INTS8: variants seen among roughly 807,000 people sequenced by gnomAD.
The protein encoded by INTS8 is integrator complex subunit 8.
Under a neutral mutation model 138.9 loss-of-function variants are expected in INTS8, and 47 were observed. That is an observed-to-expected ratio of 0.34 (90% CI 0.27 to 0.43). The LOEUF (loss-of-function observed/expected upper bound fraction) is 0.43, where lower values mean the gene tolerates loss of function less well. Ranked by LOEUF, INTS8 falls within the 20% of genes least tolerant of loss-of-function variation. The probability of loss-of-function intolerance (pLI) is 1.00; values close to 1 mark genes in which losing one functional copy is unlikely to be tolerated. For synonymous variants in INTS8, 392 were observed against 400.9 expected, an observed-to-expected ratio of 0.98 and a Z score of 0.27; for missense variants, 996 against 1,173.0, an observed-to-expected ratio of 0.85 and a Z score of 2.20.
At chr8:94,825,762 A>G (rs1814475637) in intron 2 of INTS8, among the ~76,000 whole-genome samples, 2 of 152,110 alleles carry the variant, frequency 1.3e-5, no homozygotes, top group Non-Finnish European at 2.9e-5. Context: ...CCTTCTCATC[A>G]CAATTTAAAA....
intron 2 of INTS8, among the ~76,000 whole-genome samples, chr8:94,825,753 C>T (rs1326161224): frequency 6.6e-6 from 1 of 152,068 alleles, no homozygotes; most frequent in African/African-American, 2.4e-5. Context: ...TTATCATCCC[C>T]TTCTCATCAC....
At position 94,849,528 on chromosome 8, in the gene INTS8, C is replaced by T. The variant is rs2131029318; in HGVS notation, c.1327C>T (p.Leu443=). The T allele has an allele frequency of 1.3e-6, 2 of 1,535,582 alleles. No individual in the cohort carries two copies. The highest frequency in any genetic ancestry group is 1.8e-6 in the Non-Finnish European group (2 of 1,125,334). The change falls in exon 11 of 27, where the codon CTA becomes TTA. Residue 443 remains leucine (L), a synonymous_variant. Transcript: ENST00000523731. ...TTTGAAAGGAAACATGGCTGCTTTT[C>T]TAAAGTAAGTACCTTTCTTTTCTTT... is the stretch of plus-strand genomic sequence containing the variant. ...ESLKGNMAAF[L]KNVCLGLEDL...
chr8:94,827,195 G>A, intron 2 of INTS8, 68 bp from the exon 3 acceptor site: 1 of 1,371,132 alleles, frequency 7.3e-7, no homozygotes, highest in Admixed American at 1.7e-5. Flanking sequence ...CGAGGATATG[G>A]AATTTTGTAT....
Position 94,849,855 on chromosome 8 carries a change from A to G in INTS8, c.1332-61A>G, listed in dbSNP as rs1815465521. ...TGGCTTATTAAAATTGGTTGATATG[A>G]TTGTTTTTCTCAAACTAAATTATAC... On this transcript the variant is annotated intron_variant, in intron 11 of 26. Transcript: ENST00000523731. The G allele has an allele frequency of 9.5e-6, 12 of 1,262,866 alleles. No homozygotes were observed. The South Asian group carries it at 1.3e-4, about 14-fold the overall frequency. 78.2% of individuals were successfully genotyped at this position (1,262,866 alleles called of 1,614,324 possible). A position where few individuals can be genotyped will look rare whatever the true frequency, so the allele number is the denominator to read the frequency against.
intron 26 of INTS8, among the ~76,000 whole-genome samples, chr8:94,879,467 C>T (rs774663507): frequency 1.2e-4 from 18 of 151,870 alleles, no homozygotes; most frequent in Middle Eastern, 6.8e-3. Context: ...AGATGGCGGG[C>T]GTCTGTAATC....
chr8:94,862,848 A>G (rs141347252), intron 16 of INTS8, among the ~76,000 whole-genome samples: 3 of 152,064 alleles, frequency 2.0e-5, no homozygotes, highest in Non-Finnish European at 4.4e-5. Context: ...CTGGTGTGGA[A>G]TGCACCACAC....
At chr8:94,877,407 A>G (rs73271162) in intron 26 of INTS8, among the ~76,000 whole-genome samples, 54 of 152,366 alleles carry the variant, frequency 3.5e-4, no homozygotes, top group African/African-American at 1.2e-3. Context: ...CAAAAAGGAA[A>G]AAGAATGTGA....
At chr8:94,852,143 A>G (rs1397159851) in intron 13 of INTS8, among the ~76,000 whole-genome samples, 2 of 151,942 alleles carry the variant, frequency 1.3e-5, no homozygotes, top group Non-Finnish European at 2.9e-5. Flanking sequence ...GGGTTTCACC[A>G]TGTTGGCCAG....
At chr8:94,832,422 A>C (rs1814756456) in intron 6 of INTS8, among the ~76,000 whole-genome samples, 1 of 152,244 alleles carries the variant, frequency 6.6e-6, no homozygotes, top group Non-Finnish European at 1.5e-5. Flanking sequence ...GAGTTTAAGT[A>C]CTGAGAATAC....
intron 16 of INTS8, among the ~76,000 whole-genome samples, chr8:94,863,739 A>G (rs1282996323): frequency 1.3e-5 from 2 of 152,232 alleles, no homozygotes; most frequent in Non-Finnish European, 2.9e-5. Flanking sequence ...AGTGACCTTA[A>G]AGCATATGAT....
At chr8:94,874,642 A>G (rs771539024) in intron 23 of INTS8, 40 bp downstream of exon 23, 5 of 1,146,456 alleles carry the variant, frequency 4.4e-6, no homozygotes, top group South Asian at 2.6e-5. Flanking sequence ...ATTTTTACAT[A>G]TGTTAGAGTT....
intron 2 of INTS8, 127 bp from the exon 3 acceptor site, chr8:94,827,136 G>A: frequency 1.2e-6 from 1 of 829,012 alleles, no homozygotes; most frequent in East Asian, 2.5e-5. Context: ...TTTCACATTT[G>A]ATAGCTAAAC....
chr8:94,841,333 A>C (rs561431955), intron 8 of INTS8, among the ~76,000 whole-genome samples, 158 bp from the exon 9 acceptor site: 1 of 152,298 alleles, frequency 6.6e-6, no homozygotes, highest in African/African-American at 2.4e-5. Context: ...TTTTGCCCTT[A>C]ATCAAATTTT....
intron 10 of INTS8, among the ~76,000 whole-genome samples, chr8:94,847,924 C>T (rs1207611712): frequency 1.3e-5 from 2 of 151,674 alleles, no homozygotes; most frequent in Non-Finnish European, 2.9e-5. Context: ...GTGTATAATA[C>T]ATACTCCAAG....
At chr8:94,842,290 T>C (rs1372279980) in intron 9 of INTS8, 57 bp from the exon 10 acceptor site, 9 of 1,210,148 alleles carry the variant, frequency 7.4e-6, no homozygotes, top group East Asian at 4.8e-5. Context: ...TTGTATAATA[T>C]ACACCTTTCT....
At position 94,838,445 on chromosome 8, in the gene INTS8, A is replaced by G. The variant is rs1360635804; in HGVS notation, c.862-18A>G. 2 of 1,591,982 alleles carry G rather than the reference A, an allele frequency of 1.3e-6. No individual in the cohort carries two copies. Among genetic ancestry groups the G allele is most frequent in the East Asian group, 2.2e-5 (1 of 44,774 alleles). On this transcript the variant is annotated intron_variant, in intron 7 of 26. Transcript: ENST00000523731. ...ATATTACATGAATGGATAATGGTGT[A>G]TACCTCTTACTTTACAGATAGGTTC...
At chr8:94,826,381 A>C (rs1417355584) in intron 2 of INTS8, among the ~76,000 whole-genome samples, 1 of 152,068 alleles carries the variant, frequency 6.6e-6, no homozygotes, top group East Asian at 1.9e-4. Flanking sequence ...TCCTGGGTTG[A>C]CGCCATTCTC....
At chr8:94,832,503 C>G (rs976352270) in intron 6 of INTS8, among the ~76,000 whole-genome samples, 8 of 152,146 alleles carry the variant, frequency 5.3e-5, no homozygotes, top group African/African-American at 1.9e-4. Context: ...AAGATAAAAA[C>G]TAATATTATG....
chr8:94,835,673 C>A (rs1814899833), intron 6 of INTS8, among the ~76,000 whole-genome samples: 1 of 151,850 alleles, frequency 6.6e-6, no homozygotes, highest in Non-Finnish European at 1.5e-5. Context: ...AATCTTGGCT[C>A]ACTGCAACCT....
Sources: gnomAD v4.1 joint callset for allele counts (sites outside exome capture counted in the v4.1 genomes callset) on GRCh38, gnomAD v4.1.1 for gene constraint, MANE v1.5 for transcripts, NCBI Gene and HGNC (gene_info 2026-07-23, HGNC 2026-07-21) for gene names.